OR2T10: variants seen among roughly 807,000 people sequenced by gnomAD.
OR2T10 encodes the protein olfactory receptor family 2 subfamily T member 10.
For synonymous variants in OR2T10, 125 were observed against 141.8 expected, an observed-to-expected ratio of 0.88 and a Z score of 0.84; for missense variants, 335 against 382.5, an observed-to-expected ratio of 0.88 and a Z score of 1.04.
Position 248,592,957 on chromosome 1 carries a change from T to C in OR2T10, c.812A>G (p.Asp271Gly). The C allele has an allele frequency of 6.4e-7, 1 of 1,569,030 alleles. No homozygotes were observed. Among genetic ancestry groups the C allele is most frequent in the Non-Finnish European group, 8.7e-7 (1 of 1,153,110 alleles). Residue 271 changes from aspartate (D) to glycine (G), a missense_variant, in exon 2 of 2, where the codon GAT becomes GGT. Coordinates refer to ENST00000642090, the MANE Select transcript of OR2T10 (RefSeq NM_001004693.2). ...LPSSYQTPEK[D>G]MMSSFFYTIL... ...AGTGTAGAAAAAGGATGACATCATA[T>C]CTTTCTCAGGAGTTTGGTAGGAGCT...
At position 248,593,320 on chromosome 1, in the gene OR2T10, A is replaced by T. The variant is rs762548650; in HGVS notation, c.449T>A (p.Phe150Tyr). Residue 150 changes from phenylalanine (F) to tyrosine (Y), a missense_variant, in exon 2 of 2, where the codon TTT (phenylalanine) becomes TAT (tyrosine). Physicochemically the swap from Phe to Tyr is conservative, Grantham distance 22. Transcript: ENST00000642090. ...VCLLLASGCW[F>Y]VGSVDGFMLT... ...CATGAAGCCATCCACTGAGCCCACA[A>T]ACCAGCAGCCTGATGCCAGGAGGAG... 1 of 1,573,438 alleles carries T rather than the reference A, an allele frequency of 6.4e-7. No homozygotes were observed. Among genetic ancestry groups the T allele is most frequent in the Non-Finnish European group, 8.6e-7 (1 of 1,157,072 alleles).
In OR2T10 at chr1:248,593,911, A is replaced by T. The variant is rs1660054767; in HGVS notation, c.-28-115T>A. The T allele has an allele frequency of 1.2e-5, 7 of 565,078 alleles. No homozygotes were observed. In the South Asian group the frequency reaches 1.6e-4, roughly 13 times the overall value. 35.0% of individuals were successfully genotyped at this position (565,078 alleles called of 1,614,324 possible). On this transcript the variant is annotated intron_variant, in intron 1 of 1. Coordinates refer to ENST00000642090, the MANE Select transcript of OR2T10 (RefSeq NM_001004693.2). The stretch of plus-strand genomic sequence containing the variant: ...AAAATCAGAGTGTATTTCCAACATG[A>T]ACTGTGAATTTGCACTAAAAAGAGA...
intron 1 of OR2T10, among the ~76,000 whole-genome samples, chr1:248,595,292 C>T (rs770299699): frequency 1.4e-5 from 2 of 143,472 alleles, no homozygotes; most frequent in Admixed American, 6.8e-5. Context: ...ATATTAATAA[C>T]GTGTCAAATG....
Position 248,592,160 on chromosome 1 carries a change from ACTT to A in OR2T10, c.*667_*669del, listed in dbSNP as rs1317259933. On this transcript the variant is annotated 3_prime_UTR_variant, in exon 2 of 2. Transcript: ENST00000642090. ...CTCTGCTCTAATTTTGGGAGGTTTGACTTCTTATATGCTCACAGAAAATAAGAA... is the reference window on the plus strand; with the variant it reads ...CTCTGCTCTAATTTTGGGAGGTTTGACTTATATGCTCACAGAAAATAAGAA... 1 of 143,988 alleles carries A rather than the reference ACTT, an allele frequency of 6.9e-6. No individual in the cohort carries two copies. Among genetic ancestry groups the A allele is most frequent in the Non-Finnish European group, 1.5e-5 (1 of 66,400 alleles). 8.9% of individuals were successfully genotyped at this position (143,988 alleles called of 1,614,324 possible).
In OR2T10 at chr1:248,592,965, A is replaced by G; in HGVS notation, c.804T>C (p.Pro268=). 6 of 1,570,336 alleles carry G rather than the reference A, an allele frequency of 3.8e-6. No homozygotes were observed. Among genetic ancestry groups the G allele is most frequent in the Non-Finnish European group, 5.2e-6 (6 of 1,154,310 alleles). ...AAAAGGATGACATCATATCTTTCTC[A>G]GGAGTTTGGTAGGAGCTGGGGAGCA... ...NYMLPSSYQT[P]EKDMMSSFFY... is the part of the protein sequence containing the mutation. The change falls in exon 2 of 2, where the codon CCT becomes CCC. Residue 268 remains proline, a synonymous_variant. Transcript: ENST00000642090.
At chr1:248,594,543 A>T (rs957719990) in intron 1 of OR2T10, among the ~76,000 whole-genome samples, 1 of 143,032 alleles carries the variant, frequency 7.0e-6, no homozygotes, top group Non-Finnish European at 1.5e-5. Flanking sequence ...TTCCATCAAG[A>T]TGTTCTAATC....
In OR2T10 at chr1:248,597,636, C is replaced by T. The variant is rs1281757346; in HGVS notation, c.-173G>A. ...ATCAGTGAAACACCAGCCTGCTTTTCTGCGAAAGGGTTTCAGATGATGAAA... is the reference window on the plus strand; with the variant it reads ...ATCAGTGAAACACCAGCCTGCTTTTTTGCGAAAGGGTTTCAGATGATGAAA... On this transcript the variant is annotated 5_prime_UTR_variant, in exon 1 of 2. Transcript: ENST00000642090. 1.4e-5 allele frequency: 2 copies of T among 143,264 alleles called. No individual in the cohort carries two copies. The highest frequency in any genetic ancestry group is 5.5e-5 in the African/African-American group (2 of 36,362). The allele number at this position is 143,264 out of a possible 1,614,324, so 8.9% of individuals were successfully genotyped here. A position where few individuals can be genotyped will look rare whatever the true frequency, so the allele number is the denominator to read the frequency against.
In OR2T10 at chr1:248,593,086, A is replaced by G; in HGVS notation, c.683T>C (p.Met228Thr). ...CTTTTTCCGACCCTCAACTGAGTTC[A>G]TCTTATGGATGGTGAGGATGATATA... ...YYYIILTIHK[M>T]NSVEGRKKAF... The change falls in exon 2 of 2, where the codon ATG (methionine) becomes ACG (threonine). Residue 228 changes from methionine (M) to threonine (T), a missense_variant. Coordinates refer to ENST00000642090, the MANE Select transcript of OR2T10 (RefSeq NM_001004693.2). The G allele has an allele frequency of 1.3e-6, 2 of 1,572,616 alleles. 1 individual carries two copies. Among genetic ancestry groups the G allele is most frequent in the Non-Finnish European group, 1.7e-6 (2 of 1,156,582 alleles).
Position 248,590,577 on chromosome 1 carries a change from G to A in OR2T10, c.*2253C>T, listed in dbSNP as rs1348222255. 7.0e-6 allele frequency: 1 copy of A among 143,754 alleles called. No individual in the cohort carries two copies. The highest frequency in any genetic ancestry group is 2.0e-4 in the East Asian group (1 of 5,014). 8.9% of individuals were successfully genotyped at this position (143,754 alleles called of 1,614,324 possible). A position where few individuals can be genotyped will look rare whatever the true frequency, so the allele number is the denominator to read the frequency against. On this transcript the variant is annotated 3_prime_UTR_variant, in exon 2 of 2. Transcript: ENST00000642090. ...TGATATTTTGATACATGCATGCAATGTGTAATAATTACTGATATAATTGGG... is the reference window on the plus strand; with the variant it reads ...TGATATTTTGATACATGCATGCAATATGTAATAATTACTGATATAATTGGG...
Position 248,592,696 on chromosome 1 carries a change from C to G in OR2T10, c.*134G>C. 1 of 564,700 alleles carries G rather than the reference C, an allele frequency of 1.8e-6. No individual in the cohort carries two copies. The highest frequency in any genetic ancestry group is 3.0e-5 in the East Asian group (1 of 33,430). The allele number at this position is 564,700 out of a possible 1,614,324, so 35.0% of individuals were successfully genotyped here. A position where few individuals can be genotyped will look rare whatever the true frequency, so the allele number is the denominator to read the frequency against. On this transcript the variant is annotated 3_prime_UTR_variant, in exon 2 of 2. Coordinates refer to ENST00000642090, the MANE Select transcript of OR2T10 (RefSeq NM_001004693.2). ...CAAGTGTGATTATAGGAGGGAAGAA[C>G]ACTGGGCTGAATCCCCCTGAAGGAC...
Position 248,592,841 on chromosome 1 carries a change from G to C in OR2T10, c.928C>G (p.Pro310Ala). The C allele has an allele frequency of 6.5e-7, 1 of 1,528,794 alleles. No individual in the cohort carries two copies. 94.7% of individuals were successfully genotyped at this position (1,528,794 alleles called of 1,614,324 possible). A position where few individuals can be genotyped will look rare whatever the true frequency, so the allele number is the denominator to read the frequency against. The change falls in exon 2 of 2, where the codon CCT (proline) becomes GCT (alanine). Residue 310 changes from proline to alanine, a missense_variant. Physicochemically the swap from Pro to Ala is conservative, Grantham distance 27. Transcript: ENST00000642090. ...ALKKMLSVQK[P>A]PY is the part of the protein sequence containing the mutation. ...AGTTCTTTCACACTTTAATATGGAGGTTTCTGCACGCTCAGCATTTTTTTC... is the reference window on the plus strand; with the variant it reads ...AGTTCTTTCACACTTTAATATGGAGCTTTCTGCACGCTCAGCATTTTTTTC...
chr1:248,596,376 G>A (rs1223723831), intron 1 of OR2T10, among the ~76,000 whole-genome samples: 3 of 143,202 alleles, frequency 2.1e-5, no homozygotes, highest in African/African-American at 5.5e-5. Flanking sequence ...GGTTTACAAT[G>A]AGTATAATTA....
At position 248,594,746 on chromosome 1, in the gene OR2T10, C is replaced by T. The variant is rs1660066092; in HGVS notation, c.-28-950G>A. Among the ~76,000 whole-genome samples, 2 of 143,262 alleles carry T rather than the reference C, an allele frequency of 1.4e-5. 1 individual carries two copies. Among genetic ancestry groups the T allele is most frequent in the South Asian group, 4.4e-4 (2 of 4,556 alleles). The allele number at this position is 143,262 out of a possible 152,430, so 94.0% of individuals were successfully genotyped here. A position where few individuals can be genotyped will look rare whatever the true frequency, so the allele number is the denominator to read the frequency against. ...AAAATGTAATTGGATTTTACAAGCC[C>T]ACATCTTTTCTTCCAATCTCCCCAT... On this transcript the variant is annotated intron_variant, in intron 1 of 1. Coordinates refer to ENST00000642090, the MANE Select transcript of OR2T10 (RefSeq NM_001004693.2).
At position 248,593,254 on chromosome 1, in the gene OR2T10, T is replaced by C; in HGVS notation, c.515A>G (p.His172Arg). ...IAMSFPFCRS[H>R]EIQHFFCEVP... is the part of the protein sequence containing the mutation. ...CTCACAGAAGAAGTGCTGAATCTCA[T>C]GGGATCTGCAGAAGGGGAAGCTCAT... Residue 172 changes from histidine (H) to arginine (R), a missense_variant, in exon 2 of 2, where the codon CAT becomes CGT. Transcript: ENST00000642090. 1 of 1,573,578 alleles carries C rather than the reference T, an allele frequency of 6.4e-7. No individual in the cohort carries two copies. Among genetic ancestry groups the C allele is most frequent in the Non-Finnish European group, 8.6e-7 (1 of 1,157,076 alleles).
At position 248,593,412 on chromosome 1, in the gene OR2T10, G is replaced by A. The variant is rs1558163244; in HGVS notation, c.357C>T (p.Ala119=). 6 of 1,572,088 alleles carry A rather than the reference G, an allele frequency of 3.8e-6. No homozygotes were observed. The highest frequency in any genetic ancestry group is 4.3e-6 in the Non-Finnish European group (5 of 1,156,396). Residue 119 remains alanine (A), a synonymous_variant, in exon 2 of 2, where the codon GCC becomes GCT. Transcript: ENST00000642090. ...GGCAGATAGCCACATAGCGGTCATA[G>A]GCCATGGCGGCTAGAAGGCAGCACT... ...GAECCLLAAM[A]YDRYVAICHP...
Position 248,593,480 on chromosome 1 carries a change from A to C in OR2T10, c.289T>G (p.Cys97Gly), listed in dbSNP as rs1248041344. 6.4e-7 allele frequency: 1 copy of C among 1,572,558 alleles called. No homozygotes were observed. Among genetic ancestry groups the C allele is most frequent in the East Asian group, 2.3e-5 (1 of 43,612 alleles). The part of the protein sequence containing the change: ...AKDKTISVLG[C>G]GTQMYFYLQL... ...AGGTAGAAGTACATCTGGGTGCCAC[A>C]CCCAAGGACCGAGATGGTCTTGTCT... Residue 97 changes from cysteine (C) to glycine (G), a missense_variant, in exon 2 of 2, where the codon TGT becomes GGT. Transcript: ENST00000642090.
intron 1 of OR2T10, 50 bp downstream of exon 1, chr1:248,597,442 T>TA (rs1660109259): frequency 7.0e-6 from 1 of 143,172 alleles, no homozygotes; most frequent in African/African-American, 2.7e-5. Context: ...TATAATTCTA[T>TA]AATACATATA....
rs1404791026 is a variant in OR2T10, at chr1:248,597,250, A to G, written c.-29+242T>C. Among the ~76,000 whole-genome samples, 3 of 142,568 alleles carry G rather than the reference A, an allele frequency of 2.1e-5. 1 individual carries two copies. Among genetic ancestry groups the G allele is most frequent in the African/African-American group, 5.5e-5 (2 of 36,052 alleles). The allele number at this position is 142,568 out of a possible 152,430, so 93.5% of individuals were successfully genotyped here. On this transcript the variant is annotated intron_variant, in intron 1 of 1. Coordinates refer to ENST00000642090, the MANE Select transcript of OR2T10 (RefSeq NM_001004693.2). ...CAGCCTAATTAATAGGATTGCAGAG[A>G]GTTTCAGATATAATATGCACAGCAA...
intron 1 of OR2T10, among the ~76,000 whole-genome samples, chr1:248,596,429 CAT>C (rs1233457432): frequency 7.0e-6 from 1 of 142,616 alleles, no homozygotes; most frequent in African/African-American, 2.8e-5. Context: ...TCAGGGTGAG[CAT>C]ATCTCAGGTT....
Sources: allele counts gnomAD v4.1 joint callset (sites outside exome capture counted in the v4.1 genomes callset), GRCh38; gene constraint gnomAD v4.1.1; transcripts MANE v1.5; gene names NCBI Gene and HGNC (gene_info 2026-07-23, HGNC 2026-07-21).